The following LCLAT1 variants were observed in gnomAD, a reference collection of about 807,000 sequenced individuals.
LCLAT1 encodes 1-AGP acyltransferase 8.
A neutral mutation model predicts 30.7 loss-of-function variants in LCLAT1; 11 were observed. The observed-to-expected ratio is 0.36, with a 90% CI of 0.23 to 0.59. LCLAT1 has a LOEUF of 0.59. LCLAT1 is among the 20% of genes least tolerant of loss of function. The pLI, the probability that LCLAT1 is intolerant of heterozygous loss-of-function variation, is 0.77. For synonymous variants in LCLAT1, 155 were observed against 151.3 expected (o/e 1.02, Z -0.18); for missense variants, 402 against 458.6 (o/e 0.88, Z 1.13).
In LCLAT1 at chr2:30,642,419, T is replaced by TAA. The variant is rs1281227012; in HGVS notation, c.*1805_*1806dup. 8 of 117,526 alleles carry TAA rather than the reference T, an allele frequency of 6.8e-5. No homozygotes were observed. Among genetic ancestry groups the TAA allele is most frequent in the African/African-American group, 2.8e-4 (8 of 28,154 alleles). The allele number at this position is 117,526 out of a possible 1,614,324, so 7.3% of individuals were successfully genotyped here. ...TCTTTTCTTTTTTTTTTTTTTTTTT[T>TAA]AAAAAAGCACCTTTTTTTGTTGTTT... On this transcript the variant is annotated 3_prime_UTR_variant, in exon 6 of 6. Transcript: ENST00000379509.
intron 1 of LCLAT1, among the ~76,000 whole-genome samples, chr2:30,452,675 G>C (rs1681617805): frequency 6.6e-6 from 1 of 152,112 alleles, no homozygotes; most frequent in Non-Finnish European, 1.5e-5. Context: ...TATGGTCTTT[G>C]TTAAAGAGAA....
intron 5 of LCLAT1, among the ~76,000 whole-genome samples, chr2:30,615,587 GC>G (rs1667957286): frequency 6.6e-6 from 1 of 152,108 alleles, no homozygotes; most frequent in African/African-American, 2.4e-5. Context: ...TTCATTCCCT[GC>G]CGAAAAACTT....
chr2:30,531,213 C>T (rs1252028065), intron 2 of LCLAT1, among the ~76,000 whole-genome samples: 4 of 151,880 alleles, frequency 2.6e-5, no homozygotes, highest in Admixed American at 6.6e-5. Flanking sequence ...TGCAGTGAGC[C>T]GAGATCGCGC....
chr2:30,585,406 C>G (rs1383995191), intron 5 of LCLAT1, among the ~76,000 whole-genome samples: 1 of 152,204 alleles, frequency 6.6e-6, no homozygotes, highest in Non-Finnish European at 1.5e-5. Context: ...AGAGGGGAGA[C>G]TTAGCACCTG....
intron 1 of LCLAT1, among the ~76,000 whole-genome samples, chr2:30,478,372 G>T (rs988418275): frequency 2.0e-5 from 3 of 152,132 alleles, no homozygotes; most frequent in Non-Finnish European, 4.4e-5. Flanking sequence ...CAGAGTTTTA[G>T]CATGCTACCT....
chr2:30,583,816 C>T (rs1321890171), intron 5 of LCLAT1, among the ~76,000 whole-genome samples: 1 of 152,044 alleles, frequency 6.6e-6, no homozygotes. Context: ...TGTAGCCACT[C>T]AGGATTTTAA....
At position 30,642,368 on chromosome 2, in the gene LCLAT1, T is replaced by C. The variant is rs554464724; in HGVS notation, c.*1749T>C. 6.6e-6 allele frequency: 1 copy of C among 151,688 alleles called. No homozygotes were observed. Among genetic ancestry groups the C allele is most frequent in the Non-Finnish European group, 1.5e-5 (1 of 67,944 alleles). 9.4% of individuals were successfully genotyped at this position (151,688 alleles called of 1,614,324 possible). A position where few individuals can be genotyped will look rare whatever the true frequency, so the allele number is the denominator to read the frequency against. On this transcript the variant is annotated 3_prime_UTR_variant, in exon 6 of 6. Coordinates refer to ENST00000379509, the MANE Select transcript of LCLAT1 (RefSeq NM_001002257.3). ...CTCCAGACCCAGCTCTTTAACTTCA[T>C]GGTTTTACAGCTTGTTTTTTCTTTT...
chr2:30,552,431 G>A (rs1664720868), intron 3 of LCLAT1: 1 of 370,508 alleles, frequency 2.7e-6, no homozygotes, highest in Non-Finnish European at 5.5e-6. Flanking sequence ...AAGTTTGTTA[G>A]AGTATTATGT....
intron 1 of LCLAT1, among the ~76,000 whole-genome samples, chr2:30,448,284 G>A (rs1448317960): frequency 6.6e-6 from 1 of 152,170 alleles, no homozygotes; most frequent in Non-Finnish European, 1.5e-5. Flanking sequence ...TCAAAGAAAC[G>A]TCATCTCATG....
At chr2:30,447,771 C>T (rs549720768) in intron 1 of LCLAT1, among the ~76,000 whole-genome samples, 2 of 152,344 alleles carry the variant, frequency 1.3e-5, no homozygotes, top group African/African-American at 2.4e-5. Context: ...TGTCCCGGAA[C>T]GCAACCTGAG....
Position 30,642,535 on chromosome 2 carries a change from C to A in LCLAT1, c.*1916C>A, listed in dbSNP as rs1056371831. Reference sequence around the variant, plus strand: ...ACAAATAGTTTTATAATCAGGATTGCATTTGTGCTGGGTAAAAGAGGAGAG... The same window carrying A: ...ACAAATAGTTTTATAATCAGGATTGAATTTGTGCTGGGTAAAAGAGGAGAG... On this transcript the variant is annotated 3_prime_UTR_variant, in exon 6 of 6. Transcript: ENST00000379509. 1.3e-5 allele frequency: 2 copies of A among 151,484 alleles called. No homozygotes were observed. Among genetic ancestry groups the A allele is most frequent in the Admixed American group, 1.3e-4 (2 of 15,198 alleles). The allele number at this position is 151,484 out of a possible 1,614,324, so 9.4% of individuals were successfully genotyped here.
intron 2 of LCLAT1, among the ~76,000 whole-genome samples, chr2:30,532,603 T>C (rs1170135667): frequency 1.3e-5 from 2 of 152,156 alleles, no homozygotes; most frequent in African/African-American, 4.8e-5. Flanking sequence ...TTGTAGTATT[T>C]TAGTAGATGT....
chr2:30,642,234 G>C lies in LCLAT1; in HGVS notation c.*1615G>C, dbSNP rs538375464. The C allele has an allele frequency of 6.6e-6, 1 of 152,218 alleles. No homozygotes were observed. The highest frequency in any genetic ancestry group is 1.5e-5 in the Non-Finnish European group (1 of 68,018). The allele number at this position is 152,218 out of a possible 1,614,324, so 9.4% of individuals were successfully genotyped here. A position where few individuals can be genotyped will look rare whatever the true frequency, so the allele number is the denominator to read the frequency against. ...TGTTGACACATCATTTTTATTGGAAGAGTATTAACTGGTGCCTCTTCTGAA... is the reference window on the plus strand; with the variant it reads ...TGTTGACACATCATTTTTATTGGAACAGTATTAACTGGTGCCTCTTCTGAA... On this transcript the variant is annotated 3_prime_UTR_variant, in exon 6 of 6. Transcript: ENST00000379509.
At chr2:30,465,597 T>G (rs889849606) in intron 1 of LCLAT1, among the ~76,000 whole-genome samples, 1 of 152,244 alleles carries the variant, frequency 6.6e-6, no homozygotes, top group African/African-American at 2.4e-5. Context: ...TGAATAGCAC[T>G]TAATTCTTAT....
At chr2:30,575,779 T>G (rs1186411545) in intron 5 of LCLAT1, among the ~76,000 whole-genome samples, 1 of 152,200 alleles carries the variant, frequency 6.6e-6, no homozygotes, top group Admixed American at 6.5e-5. Context: ...ATTAAATGTT[T>G]CCTTTATTTG....
intron 3 of LCLAT1, among the ~76,000 whole-genome samples, chr2:30,560,581 A>C (rs1255237312): frequency 1.3e-5 from 2 of 151,918 alleles, no homozygotes; most frequent in African/African-American, 4.8e-5. Context: ...CAGGTGATCC[A>C]TAGCCTCGGC....
intron 4 of LCLAT1, among the ~76,000 whole-genome samples, chr2:30,565,468 A>T (rs1267175718): frequency 1.3e-5 from 2 of 152,208 alleles, no homozygotes; most frequent in Admixed American, 1.3e-4. Context: ...AACATCTAGA[A>T]TAATATTTGA....
At chr2:30,465,668 T>C (rs559207190) in intron 1 of LCLAT1, among the ~76,000 whole-genome samples, 1 of 152,324 alleles carries the variant, frequency 6.6e-6, no homozygotes, top group South Asian at 2.1e-4. Flanking sequence ...GGCTAAACAC[T>C]CTACCAAAAT....
chr2:30,586,094 A>G (rs993108824), intron 5 of LCLAT1, among the ~76,000 whole-genome samples: 1 of 152,092 alleles, frequency 6.6e-6, no homozygotes, highest in Non-Finnish European at 1.5e-5. Context: ...ATACAAAAAA[A>G]TTAGCCAGAC....
Sources: gnomAD v4.1 joint callset for allele counts (sites outside exome capture counted in the v4.1 genomes callset) on GRCh38, gnomAD v4.1.1 for gene constraint, MANE v1.5 for transcripts, NCBI Gene and HGNC (gene_info 2026-07-23, HGNC 2026-07-21) for gene names.